CXorf58: variants seen among roughly 807,000 people sequenced by gnomAD.
CXorf58 encodes the protein chromosome X open reading frame 58.
In CXorf58, 24 loss-of-function variants were observed where a neutral mutation model predicts 26.0. That is an observed-to-expected ratio of 0.92 (90% CI 0.67 to 1.30). CXorf58 has a LOEUF of 1.30. Among genes scored for constraint, CXorf58 ranks in the 50% most tolerant of loss-of-function variants. CXorf58 has a pLI of 0.00. For synonymous variants in CXorf58, 87 were observed against 86.1 expected (o/e 1.01, Z -0.06); for missense variants, 236 against 263.9 (o/e 0.89, Z 0.73).
intron 7 of CXorf58, among the ~76,000 whole-genome samples, chrX:23,937,645 G>A (rs961116360): frequency 5.5e-5 from 6 of 109,653 alleles, no homozygotes; most frequent in African/African-American, 2.0e-4. Context: ...GGCTGGTCTC[G>A]AACTCCAGAC....
intron 3 of CXorf58, among the ~76,000 whole-genome samples, chrX:23,914,999 T>C (rs1049101038): frequency 1.8e-5 from 2 of 109,573 alleles, no homozygotes; most frequent in Non-Finnish European, 3.8e-5. Flanking sequence ...CCGGGCGTGG[T>C]GGCAGGTGCC....
chrX:23,926,889 T>G (rs1421974889), intron 5 of CXorf58, among the ~76,000 whole-genome samples: 2 of 111,490 alleles, frequency 1.8e-5, no homozygotes, highest in Non-Finnish European at 3.8e-5. Context: ...TGTGGTGGCA[T>G]GCGCCTGTAG....
At chrX:23,926,105 C>G (rs1928006597) in intron 5 of CXorf58, among the ~76,000 whole-genome samples, 1 of 110,286 alleles carries the variant, frequency 9.1e-6, no homozygotes. Context: ...TTCTTTTGTG[C>G]TATCCTTCCC....
At chrX:23,936,076 G>T (rs1412053109) in intron 7 of CXorf58, among the ~76,000 whole-genome samples, 3 of 110,886 alleles carry the variant, frequency 2.7e-5, no homozygotes, top group Non-Finnish European at 5.7e-5. Flanking sequence ...CGGCCGCATG[G>T]TTGCCTTTTA....
intron 5 of CXorf58, 172 bp downstream of exon 5, chrX:23,916,500 TAAA>T (rs11446281): frequency 6.3e-3 from 696 of 110,615 alleles, no homozygotes; most frequent in Non-Finnish European, 7.7e-3. Flanking sequence ...ACTTACTAGC[TAAA>T]AAAAAAAAAA....
At chrX:23,937,916 C>T (rs1283844289) in intron 7 of CXorf58, among the ~76,000 whole-genome samples, 4 of 106,865 alleles carry the variant, frequency 3.7e-5, no homozygotes, top group Admixed American at 1.0e-4. Context: ...GCTGGAGTCT[C>T]GCTCTGTTGC....
intron 2 of CXorf58, 56 bp downstream of exon 2, chrX:23,910,474 A>G (rs1927547108): frequency 9.2e-6 from 6 of 649,313 alleles, no homozygotes; most frequent in African/African-American, 4.3e-5. Flanking sequence ...GTTTCCAAAC[A>G]GTACTTATTC....
At chrX:23,927,059 T>C (rs1159677950) in intron 5 of CXorf58, among the ~76,000 whole-genome samples, 180 bp from the exon 6 acceptor site, 1 of 111,940 alleles carries the variant, frequency 8.9e-6, no homozygotes, top group Non-Finnish European at 1.9e-5. Flanking sequence ...GGAAACAATT[T>C]TAAGTGGTTT....
chrX:23,925,898 C>G (rs747790980), intron 5 of CXorf58, among the ~76,000 whole-genome samples: 1 of 104,563 alleles, frequency 9.6e-6, no homozygotes, highest in South Asian at 4.4e-4. Context: ...AAGCGATTCT[C>G]CTGCCTCAGC....
At chrX:23,926,895 T>G (rs1409738045) in intron 5 of CXorf58, among the ~76,000 whole-genome samples, 1 of 111,700 alleles carries the variant, frequency 9.0e-6, no homozygotes, top group Non-Finnish European at 1.9e-5. Context: ...GGCATGCGCC[T>G]GTAGTCCCAG....
At position 23,933,252 on chromosome X, in the gene CXorf58, C is replaced by T. The variant is rs150971593; in HGVS notation, c.556-1944C>T. On this transcript the variant is annotated intron_variant, in intron 6 of 8. Coordinates refer to ENST00000379211, the MANE Select transcript of CXorf58 (RefSeq NM_152761.3). ...GGTGTGTGTTGAGAGTGTGTATGTG[C>T]ATCTGTGTGTGTGTGTTTGAAAGCA... 2.7e-5 allele frequency among the ~76,000 whole-genome samples: 3 copies of T among 110,314 alleles called. No homozygotes were observed. In the East Asian group the frequency reaches 8.6e-4, roughly 31 times the overall value.
intron 5 of CXorf58, among the ~76,000 whole-genome samples, chrX:23,922,830 G>GA (rs1331688025): frequency 8.9e-6 from 1 of 112,498 alleles, no homozygotes; most frequent in African/African-American, 3.2e-5. Flanking sequence ...GTAGAAACAG[G>GA]AAAGTGTCTT....
In CXorf58 at chrX:23,935,795, C is replaced by T. The variant is rs1601971886; in HGVS notation, c.785+370C>T. Among the ~76,000 whole-genome samples the T allele has an allele frequency of 4.6e-5, 5 of 108,008 alleles. No individual in the cohort carries two copies. The Middle Eastern group carries it at 0.014, about 306-fold the overall frequency. 93.8% of individuals were successfully genotyped at this position (108,008 alleles called of 115,157 possible). A position where few individuals can be genotyped will look rare whatever the true frequency, so the allele number is the denominator to read the frequency against. ...GTAGTTGCCTTTTTTTTTTTTGAGA[C>T]GGAGTCTCACTCTGTTGCCCAGGCT... On this transcript the variant is annotated intron_variant, in intron 7 of 8. Transcript: ENST00000379211.
chrX:23,917,872 GCT>G (rs1238012259), intron 5 of CXorf58, among the ~76,000 whole-genome samples: 4 of 109,271 alleles, frequency 3.7e-5, no homozygotes, highest in Non-Finnish European at 5.7e-5. Context: ...ACGGAGTCTC[GCT>G]CTGTCGCCCA....
At chrX:23,937,704 T>G (rs773278097) in intron 7 of CXorf58, among the ~76,000 whole-genome samples, 2 of 107,689 alleles carry the variant, frequency 1.9e-5, no homozygotes, top group Non-Finnish European at 3.9e-5. Flanking sequence ...GGATTACAGG[T>G]GTAAGCCACC....
chrX:23,913,618 GCA>G (rs951925784), intron 3 of CXorf58, among the ~76,000 whole-genome samples: 2 of 111,951 alleles, frequency 1.8e-5, no homozygotes, highest in African/African-American at 6.5e-5. Flanking sequence ...ATACGGCTGG[GCA>G]CAGTGGCTCA....
At position 23,935,211 on chromosome X, in the gene CXorf58, G is replaced by C. The variant is rs369303661; in HGVS notation, c.571G>C (p.Asp191His). Reference sequence around the variant, plus strand: ...TTCCCTACAGTATCGCAGTTTTTTCGATGAGGCCCCTGCATTTTCTGGCGG... The same window carrying C: ...TTCCCTACAGTATCGCAGTTTTTTCCATGAGGCCCCTGCATTTTCTGGCGG... Reference protein sequence around the residue: ...QDYVQYRSFFDEAPAFSGGRN... With the variant: ...QDYVQYRSFFHEAPAFSGGRN... The change falls in exon 7 of 9, where the codon GAT becomes CAT. Residue 191 changes from aspartate (D) to histidine (H), a missense_variant. Transcript: ENST00000379211. 8.3e-7 allele frequency: 1 copy of C among 1,207,908 alleles called. No homozygotes were observed. Among genetic ancestry groups the C allele is most frequent in the Non-Finnish European group, 1.1e-6 (1 of 893,537 alleles).
intron 2 of CXorf58, among the ~76,000 whole-genome samples, chrX:23,910,977 G>A (rs1927563787): frequency 9.1e-6 from 1 of 109,677 alleles, no homozygotes; most frequent in African/African-American, 3.3e-5. Flanking sequence ...TATTGGCCAG[G>A]CTGGTCTCGA....
At chrX:23,910,168 C>T in intron 1 of CXorf58, 115 bp from the exon 2 acceptor site, 1 of 401,528 alleles carries the variant, frequency 2.5e-6, no homozygotes, top group Non-Finnish European at 4.3e-6. Context: ...ATCCACAATG[C>T]CTTCCTTTTT....
Sources: allele counts gnomAD v4.1 joint callset (sites outside exome capture counted in the v4.1 genomes callset), GRCh38; gene constraint gnomAD v4.1.1; transcripts MANE v1.5; gene names NCBI Gene and HGNC (gene_info 2026-07-23, HGNC 2026-07-21).